Variants in NMI observed in about 807,000 individuals in gnomAD.
The protein encoded by NMI is N-myc-interactor.
In NMI, 39 loss-of-function variants were observed where a neutral mutation model predicts 34.3. That is an observed-to-expected ratio of 1.14 (90% confidence interval 0.88 to 1.49). The LOEUF is 1.49. Among genes scored for constraint, NMI ranks in the 40% most tolerant of loss-of-function variants. The pLI, the probability that NMI is intolerant of heterozygous loss-of-function variation, is 0.00. For synonymous variants in NMI, 113 were observed against 120.3 expected, an observed-to-expected ratio of 0.94 and a Z score of 0.40; for missense variants, 339 against 358.1, an observed-to-expected ratio of 0.95 and a Z score of 0.43.
intron 4 of NMI, among the ~76,000 whole-genome samples, chr2:151,276,954 C>CA (rs1373915773): frequency 2.0e-5 from 3 of 152,220 alleles, no homozygotes; most frequent in Admixed American, 6.5e-5. Context: ...CTCCAAAAGG[C>CA]AACTCTATGT....
In NMI at chr2:151,282,945, C is replaced by A; in HGVS notation, c.4G>T (p.Glu2Ter). 2 of 1,478,072 alleles carry A rather than the reference C, an allele frequency of 1.4e-6. No individual in the cohort carries two copies. Among genetic ancestry groups the A allele is most frequent in the Non-Finnish European group, 1.8e-6 (2 of 1,092,380 alleles). The allele number at this position is 1,478,072 out of a possible 1,614,324, so 91.6% of individuals were successfully genotyped here. A position where few individuals can be genotyped will look rare whatever the true frequency, so the allele number is the denominator to read the frequency against. Residue 2 changes from glutamate to a stop codon, truncating the protein, a stop_gained, in exon 2 of 8, where the codon GAA becomes TAA. Coordinates refer to ENST00000243346, the MANE Select transcript of NMI (RefSeq NM_004688.3). LOFTEE classifies it high-confidence loss of function. M[E>*]ADKDDTQQIL... is the part of the protein sequence containing the mutation. ...TGTTGTGTGTCATCTTTATCAGCTTCCATGATCCCCTAATATTATAAAAAA... is the reference window on the plus strand; with the variant it reads ...TGTTGTGTGTCATCTTTATCAGCTTACATGATCCCCTAATATTATAAAAAA...
intron 4 of NMI, among the ~76,000 whole-genome samples, chr2:151,277,023 G>A (rs1268679192): frequency 6.6e-6 from 1 of 152,118 alleles, no homozygotes; most frequent in African/African-American, 2.4e-5. Context: ...TTATAATACT[G>A]CAGTTGTTGA....
Position 151,282,858 on chromosome 2 carries a change from TC to T in NMI, c.81+9del. The T allele has an allele frequency of 2.9e-6, 4 of 1,368,420 alleles. No homozygotes were observed. Among genetic ancestry groups the T allele is most frequent in the Non-Finnish European group, 4.0e-6 (4 of 991,712 alleles). 84.8% of individuals were successfully genotyped at this position (1,368,420 alleles called of 1,614,324 possible). ...TAATTTTTAATAATACCCAGTAATT[TC>T]CTTTTTACCTTATTTTGTTCATCTT... On this transcript the variant is annotated intron_variant, in intron 2 of 7. Coordinates refer to ENST00000243346, the MANE Select transcript of NMI (RefSeq NM_004688.3).
rs1683188647 is a variant in NMI, at chr2:151,271,618, G to A, written c.741+8C>T. ...GTTCTGAAAATGAGAGAACAGAGAT[G>A]ACTTTACCTGATACTTTTTCAAGTG... On this transcript the variant is annotated splice_region_variant and intron_variant, in intron 7 of 7. Transcript: ENST00000243346. The A allele has an allele frequency of 1.5e-6, 2 of 1,365,594 alleles. No homozygotes were observed. The highest frequency in any genetic ancestry group is 2.1e-6 in the Non-Finnish European group (2 of 957,308). The allele number at this position is 1,365,594 out of a possible 1,614,324, so 84.6% of individuals were successfully genotyped here.
intron 4 of NMI, among the ~76,000 whole-genome samples, chr2:151,276,518 T>C (rs1683295603): frequency 6.6e-6 from 1 of 152,200 alleles, no homozygotes; most frequent in African/African-American, 2.4e-5. Flanking sequence ...CTCAGCCACA[T>C]ACCCTTCCTT....
At chr2:151,275,721 T>C (rs1396198763) in intron 5 of NMI, 37 bp downstream of exon 5, 2 of 1,609,592 alleles carry the variant, frequency 1.2e-6, no homozygotes, top group Non-Finnish European at 1.7e-6. Context: ...GTGCTTGTGA[T>C]GAACAGAAAT....
At chr2:151,277,902 A>C (rs1683318538) in intron 4 of NMI, 1 of 152,204 alleles carries the variant, frequency 6.6e-6, no homozygotes, top group African/African-American at 2.4e-5. Context: ...TGGCCTACCG[A>C]GAGAAATATT....
intron 6 of NMI, among the ~76,000 whole-genome samples, chr2:151,272,784 A>C: frequency 6.6e-6 from 1 of 152,144 alleles, no homozygotes; most frequent in East Asian, 1.9e-4. Flanking sequence ...ACATACCACA[A>C]CATGGATGGA....
intron 1 of NMI, among the ~76,000 whole-genome samples, chr2:151,286,153 G>T (rs1683491847): frequency 6.6e-6 from 1 of 152,136 alleles, no homozygotes; most frequent in Non-Finnish European, 1.5e-5. Context: ...GATAATCAAA[G>T]TAAATAATGG....
At chr2:151,275,394 A>G in intron 6 of NMI, 90 bp downstream of exon 6, 1 of 1,184,008 alleles carries the variant, frequency 8.4e-7, no homozygotes, top group Non-Finnish European at 1.2e-6. Context: ...TACATTCCAA[A>G]TAAAAGAAGT....
rs1051816072 is a variant in NMI, at chr2:151,281,987, C to T, written c.138G>A (p.Lys46=). The part of the protein sequence containing the change: ...KNIQLKKEIQ[K]LETELQEATK... ...TAGCCTCTTGTAACTCCGTTTCAAG[C>T]TTTTGGATCTCCTTCTTTAGTTGAA... The change falls in exon 3 of 8, where the codon AAG becomes AAA. Residue 46 remains lysine, a synonymous_variant. Transcript: ENST00000243346. 6.4e-7 allele frequency: 1 copy of T among 1,563,888 alleles called. No individual in the cohort carries two copies. Among genetic ancestry groups the T allele is most frequent in the African/African-American group, 1.4e-5 (1 of 73,748 alleles).
chr2:151,278,340 C>T (rs1683325928), intron 4 of NMI: 1 of 153,326 alleles, frequency 6.5e-6, no homozygotes, highest in Non-Finnish European at 1.5e-5. Flanking sequence ...CTCCCAGGCT[C>T]TTCTCATTCG....
chr2:151,287,732 A>T (rs1406080472), intron 1 of NMI, among the ~76,000 whole-genome samples: 1 of 152,146 alleles, frequency 6.6e-6, no homozygotes, highest in Non-Finnish European at 1.5e-5. Context: ...ACACATCAGT[A>T]AACATGTTGA....
In NMI at chr2:151,275,740, T is replaced by A. The variant is rs758932945; in HGVS notation, c.447+18A>T. 44 of 1,610,678 alleles carry A rather than the reference T, an allele frequency of 2.7e-5. No individual in the cohort carries two copies. In the Admixed American group the frequency reaches 7.2e-4, roughly 26 times the overall value. On this transcript the variant is annotated intron_variant, in intron 5 of 7. Transcript: ENST00000243346. The stretch of plus-strand genomic sequence containing the variant: ...TTGTGATGAACAGAAATCCAAAAAA[T>A]TTTAATCATCCTGTTACCTGGAATC...
intron 3 of NMI, 53 bp from the exon 4 acceptor site, chr2:151,279,043 C>T: frequency 2.5e-6 from 3 of 1,215,948 alleles, no homozygotes; most frequent in Non-Finnish European, 3.5e-6. Context: ...TAACTTAAGT[C>T]CTTCCAATGA....
chr2:151,271,815 C>A, intron 6 of NMI, 83 bp from the exon 7 acceptor site: 1 of 702,984 alleles, frequency 1.4e-6, no homozygotes, highest in East Asian at 2.6e-5. Flanking sequence ...TCAAAGAGAA[C>A]ACTATTACAG....
Position 151,275,777 on chromosome 2 carries a change from T to A in NMI, c.428A>T (p.Asn143Ile). 2 of 1,613,662 alleles carry A rather than the reference T, an allele frequency of 1.2e-6. No homozygotes were observed. The highest frequency in any genetic ancestry group is 1.7e-6 in the Non-Finnish European group (2 of 1,179,638). ...TGTTACCTGGAATCTGACTCCTGAA[T>A]TTAATGGAACTGGCTTGGCCGTAAC... ...LEVTAKPVPL[N>I]SGVRFQVYVE... is the part of the protein sequence containing the mutation. Residue 143 changes from asparagine to isoleucine, a missense_variant, in exon 5 of 8, where the codon AAT becomes ATT. Coordinates refer to ENST00000243346, the MANE Select transcript of NMI (RefSeq NM_004688.3).
intron 1 of NMI, among the ~76,000 whole-genome samples, chr2:151,285,598 A>G (rs1032496897): frequency 1.3e-5 from 2 of 151,880 alleles, no homozygotes; most frequent in Non-Finnish European, 2.9e-5. Flanking sequence ...AGAAAAAAAA[A>G]AAAAAAAAGC....
Position 151,275,622 on chromosome 2 carries a change from C to T in NMI, c.496G>A (p.Asp166Asn), listed in dbSNP as rs1469046874. The T allele has an allele frequency of 6.2e-7, 1 of 1,614,138 alleles. No individual in the cohort carries two copies. Among genetic ancestry groups the T allele is most frequent in the South Asian group, 1.1e-5 (1 of 91,076 alleles). Residue 166 changes from aspartate to asparagine, a missense_variant, in exon 6 of 8, where the codon GAC becomes AAC. Transcript: ENST00000243346. Reference sequence around the variant, plus strand: ...CTCATTTGATCTTCACGCAATGTGTCAGGAATTTCAGTAACATTGATTTTC... The same window carrying T: ...CTCATTTGATCTTCACGCAATGTGTTAGGAATTTCAGTAACATTGATTTTC... ...KMKINVTEIP[D>N]TLREDQMRDK...
Sources: allele counts gnomAD v4.1 joint callset (sites outside exome capture counted in the v4.1 genomes callset), GRCh38; gene constraint gnomAD v4.1.1; transcripts MANE v1.5; gene names NCBI Gene and HGNC (gene_info 2026-07-23, HGNC 2026-07-21).